SPTBN1: variants seen among roughly 807,000 people sequenced by gnomAD.
SPTBN1 encodes spectrin beta, non-erythrocytic 1, also known as spectrin beta chain, non-erythrocytic 1.
In SPTBN1, 32 loss-of-function variants were observed where a neutral mutation model predicts 266.4. The observed-to-expected ratio is 0.12, with a 90% CI of 0.09 to 0.16. The LOEUF (loss-of-function observed/expected upper bound fraction) is 0.16. Among genes scored for constraint, SPTBN1 ranks in the 10% least tolerant of loss-of-function variants. The pLI, the probability that SPTBN1 is intolerant of heterozygous loss-of-function variation, is 1.00. For synonymous variants in SPTBN1, 1,336 were observed against 1,162.2 expected (o/e 1.15, Z -3.04); for missense variants, 2,296 against 3,067.1 (o/e 0.75, Z 5.94).
At chr2:54,474,960 G>T (rs532498968) in intron 1 of SPTBN1, among the ~76,000 whole-genome samples, 1 of 152,158 alleles carries the variant, frequency 6.6e-6, no homozygotes, top group Admixed American at 6.5e-5. Flanking sequence ...ATTGCCTTCA[G>T]GTCAGGAGTT....
intron 2 of SPTBN1, among the ~76,000 whole-genome samples, chr2:54,583,155 C>G (rs1406027428): frequency 6.6e-6 from 1 of 151,984 alleles, no homozygotes; most frequent in East Asian, 1.9e-4. Flanking sequence ...GGTGATGTCC[C>G]CTGGACTCAG....
At chr2:54,658,762 G>A (rs1680842023) in intron 30 of SPTBN1, among the ~76,000 whole-genome samples, 1 of 152,066 alleles carries the variant, frequency 6.6e-6, no homozygotes. Flanking sequence ...CAGCACAAGC[G>A]GCTTCCTTGA....
intron 1 of SPTBN1, among the ~76,000 whole-genome samples, chr2:54,495,499 A>G (rs1009848954): frequency 1.3e-5 from 2 of 152,214 alleles, no homozygotes; most frequent in African/African-American, 4.8e-5. Context: ...AAGATGTTTC[A>G]TTTCAAAAAT....
At chr2:54,627,271 G>A (rs1255622236) in intron 12 of SPTBN1, among the ~76,000 whole-genome samples, 1 of 152,198 alleles carries the variant, frequency 6.6e-6, no homozygotes, top group Non-Finnish European at 1.5e-5. Flanking sequence ...AAATGTAGCA[G>A]AGAGGGACTT....
chr2:54,557,446 A>G (rs1672952276), intron 2 of SPTBN1, among the ~76,000 whole-genome samples: 1 of 152,190 alleles, frequency 6.6e-6, no homozygotes, highest in East Asian at 1.9e-4. Context: ...CAATTTCCCA[A>G]GAATACATTT....
At chr2:54,625,832 C>A in intron 11 of SPTBN1, 100 bp from the exon 12 acceptor site, 1 of 1,319,732 alleles carries the variant, frequency 7.6e-7, no homozygotes. Flanking sequence ...CTCAAGTGAT[C>A]TGCCCGCCTC....
chr2:54,518,438 G>T (rs1406106428), intron 1 of SPTBN1, among the ~76,000 whole-genome samples: 1 of 133,722 alleles, frequency 7.5e-6, no homozygotes, highest in African/African-American at 3.0e-5. Context: ...ATGTCCACTA[G>T]AACCTAAAGT....
chr2:54,554,116 A>G lies in SPTBN1; in HGVS notation c.148+27550A>G, dbSNP rs1672731251. On this transcript the variant is annotated intron_variant, in intron 2 of 35. Transcript: ENST00000356805. This position sits in a 1 kb window ranked among gnomAD's most constrained non-coding sequence, Gnocchi z 4.5. ...AACTAAATGTTGTAGAGGTTCGTGTAGAGGCCTGCTTGGGTTTTAGGTTAA... is the reference window on the plus strand; with the variant it reads ...AACTAAATGTTGTAGAGGTTCGTGTGGAGGCCTGCTTGGGTTTTAGGTTAA... 6.6e-6 allele frequency among the ~76,000 whole-genome samples: 1 copy of G among 152,236 alleles called. No individual in the cohort carries two copies. Among genetic ancestry groups the G allele is most frequent in the African/African-American group, 2.4e-5 (1 of 41,462 alleles).
intron 2 of SPTBN1, 118 bp from the exon 3 acceptor site, chr2:54,598,974 T>C (rs551184261): frequency 9.3e-7 from 1 of 1,080,348 alleles, no homozygotes; most frequent in African/African-American, 1.6e-5. Flanking sequence ...AGTAGAGGTG[T>C]CCTTGGAGGT....
chr2:54,523,155 A>T (rs1169609266), intron 1 of SPTBN1, among the ~76,000 whole-genome samples: 1 of 152,250 alleles, frequency 6.6e-6, no homozygotes, highest in Non-Finnish European at 1.5e-5. Flanking sequence ...AGGGTTTATG[A>T]CTTTGAATGT....
rs1460425888 is a variant in SPTBN1, at chr2:54,472,855, AG to A, written c.-48+16338del. ...TATATGTTAAATAGCAGATGAAAAC[AG>A]TGAGTTACATGTTAAATAGTAGATG... is the stretch of plus-strand genomic sequence containing the variant. On this transcript the variant is annotated intron_variant, in intron 1 of 35. Transcript: ENST00000356805. Among the ~76,000 whole-genome samples, 5 of 152,274 alleles carry A rather than the reference AG, an allele frequency of 3.3e-5. No homozygotes were observed. In the South Asian group the frequency reaches 8.3e-4, roughly 25 times the overall value.
chr2:54,470,216 CT>C (rs1693852071), intron 1 of SPTBN1, among the ~76,000 whole-genome samples: 1 of 151,312 alleles, frequency 6.6e-6, no homozygotes, highest in Admixed American at 6.6e-5. Context: ...CAAAGGGAGA[CT>C]ATTCTTGTCT....
chr2:54,572,074 TC>T lies in SPTBN1; in HGVS notation c.149-27015del, dbSNP rs1375404526. On this transcript the variant is annotated intron_variant, in intron 2 of 35. Coordinates refer to ENST00000356805, the MANE Select transcript of SPTBN1 (RefSeq NM_003128.3). ...CTCTTGTGGTTGGACTCTCACATAC[TC>T]CCTAGGACTCTGCTGGGTGCTGGGG... Among the ~76,000 whole-genome samples, 9 of 120,260 alleles carry T rather than the reference TC, an allele frequency of 7.5e-5. No homozygotes were observed. The South Asian group carries it at 8.3e-4, about 11-fold the overall frequency. 78.9% of individuals were successfully genotyped at this position (120,260 alleles called of 152,430 possible). A position where few individuals can be genotyped will look rare whatever the true frequency, so the allele number is the denominator to read the frequency against.
chr2:54,646,575 T>C lies in SPTBN1; in HGVS notation c.4866+100T>C. ...GCTCTGTCTGTATAAAAACTTCCCTTGTAGCCTTTGAGTGTTAAGGGGACA... is the reference window on the plus strand; with the variant it reads ...GCTCTGTCTGTATAAAAACTTCCCTCGTAGCCTTTGAGTGTTAAGGGGACA... On this transcript the variant is annotated intron_variant, in intron 23 of 35. Transcript: ENST00000356805. This position sits in a 1 kb window ranked among gnomAD's most constrained non-coding sequence, Gnocchi z 4.4. 1 of 1,359,292 alleles carries C rather than the reference T, an allele frequency of 7.4e-7. No homozygotes were observed. Among genetic ancestry groups the C allele is most frequent in the Non-Finnish European group, 9.6e-7 (1 of 1,040,848 alleles). 84.2% of individuals were successfully genotyped at this position (1,359,292 alleles called of 1,614,324 possible).
At chr2:54,591,518 GA>G (rs1319065238) in intron 2 of SPTBN1, among the ~76,000 whole-genome samples, 1 of 152,180 alleles carries the variant, frequency 6.6e-6, no homozygotes, top group African/African-American at 2.4e-5. Context: ...CAGACTACTT[GA>G]AAAGTAAAAG....
chr2:54,481,345 G>A (rs1380188175), intron 1 of SPTBN1, among the ~76,000 whole-genome samples: 1 of 151,890 alleles, frequency 6.6e-6, no homozygotes, highest in African/African-American at 2.4e-5. Flanking sequence ...GGCATGGCAT[G>A]CCTTTGGGAA....
At chr2:54,665,824 G>T (rs1681331142) in intron 33 of SPTBN1, 91 bp from the exon 34 acceptor site, 4 of 1,431,160 alleles carry the variant, frequency 2.8e-6, no homozygotes, top group Non-Finnish European at 3.8e-6. Flanking sequence ...GTTGTGTGAG[G>T]ATCATTTTCA....
chr2:54,545,832 G>A (rs1461904463), intron 2 of SPTBN1, among the ~76,000 whole-genome samples: 1 of 152,078 alleles, frequency 6.6e-6, no homozygotes, highest in Non-Finnish European at 1.5e-5. Context: ...TGCTCTTAGG[G>A]AGTTAGCATG....
chr2:54,566,384 C>T (rs1406755549), intron 2 of SPTBN1, among the ~76,000 whole-genome samples: 1 of 151,858 alleles, frequency 6.6e-6, no homozygotes, highest in African/African-American at 2.4e-5. Flanking sequence ...GATGGGGTTT[C>T]GCCATGTTGG....
Sources: gnomAD v4.1 joint callset for allele counts (sites outside exome capture counted in the v4.1 genomes callset) on GRCh38, gnomAD v4.1.1 for gene constraint, Gnocchi (gnomAD v3.1) non-coding constraint, MANE v1.5 for transcripts, NCBI Gene and HGNC (gene_info 2026-07-23, HGNC 2026-07-21) for gene names.